Variants in PTPN14 observed in about 807,000 individuals in gnomAD.
PTPN14 encodes tyrosine-protein phosphatase non-receptor type 14.
PTPN14 carries 53 observed loss-of-function variants against 126.8 expected under a neutral mutation model. The observed-to-expected ratio is 0.42, with a 90% CI of 0.34 to 0.53. The LOEUF (loss-of-function observed/expected upper bound fraction) is 0.53, where lower values mean the gene tolerates loss of function less well. Among genes scored for constraint, PTPN14 ranks in the 20% least tolerant of loss-of-function variants. PTPN14 has a pLI of 0.08. For synonymous variants in PTPN14, 630 were observed against 599.3 expected (o/e 1.05, Z -0.75); for missense variants, 1,257 against 1,552.9 (o/e 0.81, Z 3.20).
chr1:214,509,390 C>CTT (rs1374745220), intron 1 of PTPN14, among the ~76,000 whole-genome samples: 1 of 152,224 alleles, frequency 6.6e-6, no homozygotes, highest in East Asian at 1.9e-4. Flanking sequence ...TCCAGCTTTT[C>CTT]TTCTGCAGCT....
chr1:214,444,440 G>A (rs181280054), intron 3 of PTPN14, among the ~76,000 whole-genome samples: 3 of 152,208 alleles, frequency 2.0e-5, no homozygotes, highest in East Asian at 3.9e-4. Flanking sequence ...CCCAGCCCAC[G>A]GGTAGACTTT....
chr1:214,528,047 T>C (rs1286085765), intron 1 of PTPN14, among the ~76,000 whole-genome samples: 1 of 152,220 alleles, frequency 6.6e-6, no homozygotes, highest in Non-Finnish European at 1.5e-5. Flanking sequence ...CTTTAAGTCA[T>C]CGATATCTTA....
chr1:214,472,422 A>G (rs1477945349), intron 1 of PTPN14, among the ~76,000 whole-genome samples: 2 of 152,126 alleles, frequency 1.3e-5, no homozygotes, highest in East Asian at 1.9e-4. Flanking sequence ...TGCTGGTGCC[A>G]TGCTTCCTGT....
chr1:214,402,668 A>AT (rs1659056082), intron 6 of PTPN14, among the ~76,000 whole-genome samples: 1 of 65,588 alleles, frequency 1.5e-5, no homozygotes, highest in East Asian at 4.7e-4. Flanking sequence ...GAAGGAAGGA[A>AT]GGAAGGAAGG....
intron 3 of PTPN14, among the ~76,000 whole-genome samples, chr1:214,421,342 T>C (rs986494155): frequency 4.6e-5 from 7 of 152,184 alleles, no homozygotes; most frequent in South Asian, 2.1e-4. Flanking sequence ...ATGTCCAGAA[T>C]AGGCAAATTC....
At chr1:214,442,833 T>C (rs992674740) in intron 3 of PTPN14, among the ~76,000 whole-genome samples, 142 of 152,054 alleles carry the variant, frequency 9.3e-4, no homozygotes, top group African/African-American at 2.4e-3. Flanking sequence ...TTTTTTTTTT[T>C]TCTCTTTGAG....
At chr1:214,542,914 C>T (rs1254978636) in intron 1 of PTPN14, among the ~76,000 whole-genome samples, 1 of 152,100 alleles carries the variant, frequency 6.6e-6, no homozygotes, top group East Asian at 1.9e-4. Context: ...ATGAAATCTG[C>T]CTTAATCCCG....
At chr1:214,501,608 T>C (rs553725539) in intron 1 of PTPN14, among the ~76,000 whole-genome samples, 6 of 152,294 alleles carry the variant, frequency 3.9e-5, no homozygotes, top group Admixed American at 3.3e-4. Flanking sequence ...CCTATGCCTC[T>C]CTTTTTCCTG....
chr1:214,362,178 T>C (rs1240297137), intron 18 of PTPN14, among the ~76,000 whole-genome samples: 2 of 152,184 alleles, frequency 1.3e-5, no homozygotes, highest in African/African-American at 2.4e-5. Flanking sequence ...TGGATCTTAC[T>C]AGCCAGGCCT....
At chr1:214,503,392 T>C (rs1654756374) in intron 1 of PTPN14, among the ~76,000 whole-genome samples, 2 of 152,356 alleles carry the variant, frequency 1.3e-5, no homozygotes, top group South Asian at 2.1e-4. Context: ...GACTGAATCT[T>C]AGAAGAGACT....
chr1:214,509,666 C>A (rs1373589415), intron 1 of PTPN14, among the ~76,000 whole-genome samples: 1 of 152,164 alleles, frequency 6.6e-6, no homozygotes, highest in Non-Finnish European at 1.5e-5. Flanking sequence ...ATAAATCATG[C>A]TACTATAAAG....
In PTPN14 at chr1:214,356,598, G is replaced by A. The variant is rs553527713; in HGVS notation, c.*1324C>T. ...GAAACTAAGAACTGGGCTTCAAAGT[G>A]AAGATAACTGACCAGCGAGTGGATT... On this transcript the variant is annotated 3_prime_UTR_variant, in exon 19 of 19. Transcript: ENST00000366956. 7 of 152,354 alleles carry A rather than the reference G, an allele frequency of 4.6e-5. No individual in the cohort carries two copies. Among genetic ancestry groups the A allele is most frequent in the African/African-American group, 1.7e-4 (7 of 41,578 alleles). 9.4% of individuals were successfully genotyped at this position (152,354 alleles called of 1,614,324 possible). A position where few individuals can be genotyped will look rare whatever the true frequency, so the allele number is the denominator to read the frequency against.
At chr1:214,544,737 C>G (rs138983586) in intron 1 of PTPN14, among the ~76,000 whole-genome samples, 1 of 149,528 alleles carries the variant, frequency 6.7e-6, no homozygotes, top group South Asian at 2.1e-4. Context: ...GAAGACAGAG[C>G]GAGACTCCAT....
Position 214,534,712 on chromosome 1 carries a change from C to CAATAGATAAATAAATAAATA in PTPN14, c.-155+16470_-155+16471insTATTTATTTATTTATCTATT, listed in dbSNP as rs1655657566. Among the ~76,000 whole-genome samples the CAATAGATAAATAAATAAATA allele has an allele frequency of 2.1e-5, 3 of 141,612 alleles. No individual in the cohort carries two copies. The South Asian group carries it at 7.1e-4, about 34-fold the overall frequency. The allele number at this position is 141,612 out of a possible 152,430, so 92.9% of individuals were successfully genotyped here. A position where few individuals can be genotyped will look rare whatever the true frequency, so the allele number is the denominator to read the frequency against. On this transcript the variant is annotated intron_variant, in intron 1 of 18. Coordinates refer to ENST00000366956, the MANE Select transcript of PTPN14 (RefSeq NM_005401.5). ...TGGGCAACAAAGCAAGACTCCTTCT[C>CAATAGATAAATAAATAAATA]AATAAATAAATAAATAAATAAATAA...
intron 15 of PTPN14, among the ~76,000 whole-genome samples, chr1:214,375,998 G>A (rs1658333842): frequency 1.3e-5 from 2 of 152,142 alleles, no homozygotes; most frequent in South Asian, 4.1e-4. Context: ...AGAAATCGCT[G>A]ACCTGAAGTT....
At chr1:214,434,853 G>A (rs1261650498) in intron 3 of PTPN14, among the ~76,000 whole-genome samples, 1 of 152,176 alleles carries the variant, frequency 6.6e-6, no homozygotes, top group Non-Finnish European at 1.5e-5. Flanking sequence ...CATTCCAAAA[G>A]CACATGCCTG....
chr1:214,543,505 T>C (rs1655892882), intron 1 of PTPN14, among the ~76,000 whole-genome samples: 1 of 152,192 alleles, frequency 6.6e-6, no homozygotes, highest in Non-Finnish European at 1.5e-5. Flanking sequence ...CATATAGTCA[T>C]TAACAAGATG....
At chr1:214,508,944 T>C (rs1654906330) in intron 1 of PTPN14, among the ~76,000 whole-genome samples, 1 of 152,214 alleles carries the variant, frequency 6.6e-6, no homozygotes, top group Admixed American at 6.5e-5. Flanking sequence ...GTCTCAACAG[T>C]GAGCTTAAAA....
chr1:214,486,560 G>C (rs145898640), intron 1 of PTPN14, among the ~76,000 whole-genome samples: 1 of 152,116 alleles, frequency 6.6e-6, no homozygotes, highest in Admixed American at 6.5e-5. Context: ...TAGATTCTTC[G>C]GAGTACTTAG....
Sources: gnomAD v4.1 joint callset for allele counts (sites outside exome capture counted in the v4.1 genomes callset) on GRCh38, gnomAD v4.1.1 for gene constraint, MANE v1.5 for transcripts, NCBI Gene and HGNC (gene_info 2026-07-23, HGNC 2026-07-21) for gene names.